Variants in CSF1R observed in about 807,000 individuals in gnomAD.
The protein encoded by CSF1R is colony stimulating factor 1 receptor, also known as macrophage colony-stimulating factor 1 receptor.
A neutral mutation model predicts 110.0 loss-of-function variants in CSF1R; 40 were observed. That is an observed-to-expected ratio of 0.36 (90% CI 0.28 to 0.47). The LOEUF (loss-of-function observed/expected upper bound fraction) is 0.47. Among genes scored for constraint, CSF1R ranks in the 20% least tolerant of loss-of-function variants. CSF1R has a pLI of 0.99. For missense variants in CSF1R, 1,052 were observed against 1,253.0 expected, an observed-to-expected ratio of 0.84 and a Z score of 2.42; for synonymous variants, 523 against 503.4, an observed-to-expected ratio of 1.04 and a Z score of -0.52.
At chr5:150,095,865 T>C (rs1276723164) in intron 1 of CSF1R, among the ~76,000 whole-genome samples, 2 of 150,926 alleles carry the variant, frequency 1.3e-5, no homozygotes, top group Non-Finnish European at 2.9e-5. Context: ...AATAAGGGAA[T>C]ACTATGAACT....
At position 150,053,355 on chromosome 5, in the gene CSF1R, G is replaced by A. The variant is rs1273085565; in HGVS notation, c.*714C>T. ...ATCCCACGGCGTGACTGTTAGTTAG[G>A]ATGAGTCAGCTTGGGGGAGTTTGTG... On this transcript the variant is annotated 3_prime_UTR_variant, in exon 21 of 21. Transcript: ENST00000675795. 4.3e-6 allele frequency: 1 copy of A among 233,766 alleles called. No homozygotes were observed. The highest frequency in any genetic ancestry group is 2.2e-5 in the African/African-American group (1 of 45,338). 14.5% of individuals were successfully genotyped at this position (233,766 alleles called of 1,614,324 possible).
intron 1 of CSF1R, among the ~76,000 whole-genome samples, chr5:150,085,347 G>A (rs6579769): frequency 0.023 from 3,533 of 150,380 alleles, 134 homozygotes; most frequent in African/African-American, 0.082. Context: ...ATGGTCAGTG[G>A]GCCATCTCCT....
chr5:150,079,997 C>T (rs1188686649), intron 3 of CSF1R, 55 bp downstream of exon 3: 19 of 1,576,054 alleles, frequency 1.2e-5, no homozygotes, highest in Admixed American at 1.7e-5. Context: ...ATGTGGCCGC[C>T]GGCTCTCTGT....
chr5:150,085,641 G>A (rs1050963576), intron 1 of CSF1R, among the ~76,000 whole-genome samples: 36 of 151,962 alleles, frequency 2.4e-4, no homozygotes, highest in African/African-American at 8.0e-4. Flanking sequence ...GACCCTCACT[G>A]GCCTCTTCCC....
intron 12 of CSF1R, among the ~76,000 whole-genome samples, 171 bp from the exon 13 acceptor site, chr5:150,061,143 G>C (rs1411752697): frequency 1.3e-5 from 2 of 152,174 alleles, no homozygotes; most frequent in African/African-American, 4.8e-5. Flanking sequence ...ACACACAGAT[G>C]GCAGAGAGAG....
intron 10 of CSF1R, among the ~76,000 whole-genome samples, chr5:150,062,435 TCCAGCC>T (rs1328452044): frequency 6.8e-6 from 1 of 146,668 alleles, no homozygotes; most frequent in Non-Finnish European, 1.5e-5. Flanking sequence ...CTTTCCCTCC[TCCAGCC>T]CCTGGCAACC....
intron 10 of CSF1R, among the ~76,000 whole-genome samples, chr5:150,064,279 A>G (rs369270187): frequency 6.6e-6 from 1 of 152,194 alleles, no homozygotes; most frequent in Non-Finnish European, 1.5e-5. Flanking sequence ...CTGTACGTCT[A>G]TCCCCTGAAT....
upstream of CSF1R, among the ~76,000 whole-genome samples, chr5:150,089,540 A>G (rs1758969105): frequency 6.6e-6 from 1 of 152,252 alleles, no homozygotes; most frequent in African/African-American, 2.4e-5. Context: ...TGTTGAAAGA[A>G]ATTTAGAAGA....
upstream of CSF1R, among the ~76,000 whole-genome samples, chr5:150,090,810 CA>C (rs1360139236): frequency 1.3e-5 from 2 of 151,812 alleles, no homozygotes. Flanking sequence ...GAATAGACTC[CA>C]AAAGTGGAAG....
chr5:150,094,709 A>G (rs1374825330), intron 1 of CSF1R: 1 of 1,603,140 alleles, frequency 6.2e-7, no homozygotes, highest in African/African-American at 1.3e-5. Flanking sequence ...TGAGGATTGT[A>G]GAGCCATATA....
chr5:150,058,218 G>A (rs888708782), intron 14 of CSF1R: 2 of 456,138 alleles, frequency 4.4e-6, no homozygotes, highest in African/African-American at 2.0e-5. Flanking sequence ...TGAATCAGCA[G>A]GCCTGGGTGG....
In CSF1R at chr5:150,053,499, A is replaced by C. The variant is rs548471798; in HGVS notation, c.*570T>G. 4.2e-6 allele frequency: 1 copy of C among 238,838 alleles called. No homozygotes were observed. The highest frequency in any genetic ancestry group is 8.3e-6 in the Non-Finnish European group (1 of 120,978). 14.8% of individuals were successfully genotyped at this position (238,838 alleles called of 1,614,324 possible). On this transcript the variant is annotated 3_prime_UTR_variant, in exon 21 of 21. Coordinates refer to ENST00000675795, the MANE Select transcript of CSF1R (RefSeq NM_001288705.3). ...CCACTTGGCTCATTACAGCAGTACC[A>C]GTATGGGGGTGGGAGGGGTGAGGCT...
At chr5:150,077,918 G>C in intron 4 of CSF1R, among the ~76,000 whole-genome samples, 194 bp downstream of exon 4, 1 of 136,950 alleles carries the variant, frequency 7.3e-6, no homozygotes, top group African/African-American at 2.7e-5. Context: ...AGCGGCACAA[G>C]CATGAGTCCT....
chr5:150,106,577 C>T (rs1367964586), intron 1 of CSF1R, among the ~76,000 whole-genome samples: 2 of 152,192 alleles, frequency 1.3e-5, no homozygotes, highest in Non-Finnish European at 2.9e-5. Flanking sequence ...TCGACCACAC[C>T]TATCTCTAGG....
intron 5 of CSF1R, among the ~76,000 whole-genome samples, chr5:150,074,660 A>G (rs1411190664): frequency 6.6e-6 from 1 of 152,176 alleles, no homozygotes; most frequent in Non-Finnish European, 1.5e-5. Flanking sequence ...GATGATTTCT[A>G]AGAGCTCCTC....
intron 13 of CSF1R, among the ~76,000 whole-genome samples, chr5:150,060,570 C>T (rs1164156616): frequency 6.6e-6 from 1 of 152,046 alleles, no homozygotes; most frequent in Non-Finnish European, 1.5e-5. Flanking sequence ...TCACTCCAGA[C>T]CCAGAGGATC....
chr5:150,061,253 A>T (rs1005190954), intron 12 of CSF1R, among the ~76,000 whole-genome samples: 1 of 152,104 alleles, frequency 6.6e-6, no homozygotes, highest in Non-Finnish European at 1.5e-5. Flanking sequence ...GCACCCCCAG[A>T]CTTTTTGGAG....
intron 1 of CSF1R, 112 bp from the exon 2 acceptor site, chr5:150,081,136 G>GTGGTCCCTTGAT: frequency 3.1e-6 from 4 of 1,277,362 alleles, no homozygotes; most frequent in Non-Finnish European, 4.4e-6. Context: ...TGCCATCAAG[G>GTGGTCCCTTGAT]GACCACCTTG....
rs2113823831 is a variant in CSF1R, at chr5:150,077,276, C to G, written c.889G>C (p.Glu297Gln). 6.2e-7 allele frequency: 1 copy of G among 1,614,216 alleles called. No individual in the cohort carries two copies. The highest frequency in any genetic ancestry group is 8.5e-7 in the Non-Finnish European group (1 of 1,180,026). ...TGTCCACCACCACCCTGATGCTTAC[C>G]TACCACCCGGAAGAACATGGAGGTG... is the stretch of plus-strand genomic sequence containing the variant. ...HSTSMFFRVV[E>Q]SAYLNLSSEQ... Residue 297 changes from glutamate (E) to glutamine (Q), a missense_variant and splice_region_variant, in exon 5 of 21, where the codon GAG becomes CAG. This residue lies in a region of CSF1R where 693 missense variants were observed against 735.4 expected (regional missense o/e 0.94). Coordinates refer to ENST00000675795, the MANE Select transcript of CSF1R (RefSeq NM_001288705.3).
Sources: gnomAD v4.1 joint callset for allele counts (sites outside exome capture counted in the v4.1 genomes callset) on GRCh38, gnomAD v4.1.1 for gene constraint, gnomAD v4.1.1 regional missense constraint, MANE v1.5 for transcripts, NCBI Gene and HGNC (gene_info 2026-07-23, HGNC 2026-07-21) for gene names.